XRN1: variants seen among roughly 807,000 people sequenced by gnomAD.
XRN1 encodes the protein 5'-3' exoribonuclease 1.
XRN1 carries 67 observed loss-of-function variants against 222.3 expected under a neutral mutation model. That is an observed-to-expected ratio of 0.30 (90% confidence interval 0.25 to 0.37). The LOEUF is 0.37. Ranked by LOEUF, XRN1 falls within the 10% of genes least tolerant of loss-of-function variation. XRN1 has a pLI of 1.00. For missense variants in XRN1, 1,707 were observed against 2,000.2 expected, an observed-to-expected ratio of 0.85 and a Z score of 2.80; for synonymous variants, 643 against 652.4, an observed-to-expected ratio of 0.99 and a Z score of 0.22.
chr3:142,385,938 A>G (rs1039033656), intron 20 of XRN1, among the ~76,000 whole-genome samples: 1 of 151,492 alleles, frequency 6.6e-6, no homozygotes, highest in African/African-American at 2.4e-5. Flanking sequence ...CAAATATGTC[A>G]TAAAAATAGT....
chr3:142,351,832 C>A (rs1000287366), intron 32 of XRN1, among the ~76,000 whole-genome samples: 1 of 151,646 alleles, frequency 6.6e-6, no homozygotes, highest in Non-Finnish European at 1.5e-5. Context: ...GGATACTCCA[C>A]CATCACCTCA....
At chr3:142,362,431 C>T (rs1041956802) in intron 29 of XRN1, among the ~76,000 whole-genome samples, 1 of 151,816 alleles carries the variant, frequency 6.6e-6, no homozygotes. Flanking sequence ...CTACTGCGCC[C>T]GTCTCTAATT....
At chr3:142,342,664 C>G (rs1450335835) in intron 33 of XRN1, among the ~76,000 whole-genome samples, 2 of 152,050 alleles carry the variant, frequency 1.3e-5, no homozygotes, top group African/African-American at 4.8e-5. Context: ...ACAAAGGCAC[C>G]AAGAACATAC....
intron 32 of XRN1, among the ~76,000 whole-genome samples, chr3:142,352,033 A>G (rs1487782839): frequency 1.3e-5 from 2 of 152,150 alleles, no homozygotes; most frequent in Non-Finnish European, 2.9e-5. Flanking sequence ...GCTTTCTAAC[A>G]TTATTTTTAC....
intron 6 of XRN1, 42 bp downstream of exon 6, chr3:142,423,518 G>A (rs754962213): frequency 6.8e-7 from 1 of 1,464,900 alleles, no homozygotes; most frequent in Non-Finnish European, 9.3e-7. Context: ...TTACTATCCA[G>A]GCGTAATTTC....
chr3:142,310,191 T>C lies in XRN1; in HGVS notation c.*1320A>G, dbSNP rs921789930. On this transcript the variant is annotated 3_prime_UTR_variant, in exon 41 of 41. Coordinates refer to ENST00000392981, the MANE Select transcript of XRN1 (RefSeq NM_001282857.2). ...ACAAGTAAGACTACTTTAAGAGTCA[T>C]GGCAGAGTTTCCAATGAGTTACATG... is the stretch of plus-strand genomic sequence containing the variant. 2 of 152,610 alleles carry C rather than the reference T, an allele frequency of 1.3e-5. No homozygotes were observed. The highest frequency in any genetic ancestry group is 4.8e-5 in the African/African-American group (2 of 41,448). The allele number at this position is 152,610 out of a possible 1,614,324, so 9.5% of individuals were successfully genotyped here. A position where few individuals can be genotyped will look rare whatever the true frequency, so the allele number is the denominator to read the frequency against.
intron 15 of XRN1, among the ~76,000 whole-genome samples, chr3:142,411,947 C>T (rs1400591623): frequency 6.6e-6 from 1 of 151,786 alleles, no homozygotes. Flanking sequence ...CTCAGCCTCT[C>T]GAGTAGCTGG....
intron 1 of XRN1, among the ~76,000 whole-genome samples, chr3:142,446,362 A>C (rs1344225521): frequency 6.6e-6 from 1 of 152,206 alleles, no homozygotes; most frequent in Non-Finnish European, 1.5e-5. Flanking sequence ...CAAATTTTAA[A>C]ATTTATTTAC....
In XRN1 at chr3:142,333,063, T is replaced by C. The variant is rs1254703576; in HGVS notation, c.3966A>G (p.Leu1322=). 1 of 1,612,952 alleles carries C rather than the reference T, an allele frequency of 6.2e-7. No individual in the cohort carries two copies. Among genetic ancestry groups the C allele is most frequent in the East Asian group, 2.2e-5 (1 of 44,762 alleles). ...KQPNSGIENF[L]ASLNISKENE... is the part of the protein sequence containing the mutation. ...TTTCTTTGGAGATATTCAAAGATGC[T>C]AAAAAGTTCTCAATTCCAGAGTTAG... Residue 1322 remains leucine (L), a synonymous_variant, in exon 35 of 41, where the codon TTA becomes TTG. Coordinates refer to ENST00000392981, the MANE Select transcript of XRN1 (RefSeq NM_001282857.2).
chr3:142,308,676 C>G lies in XRN1; in HGVS notation c.*2835G>C, dbSNP rs1469559066. ...GAACGAGACTGGAAGGAGCAATCTTCAAAATTCACTTAAGTTGCTCAAAAA... is the reference window on the plus strand; with the variant it reads ...GAACGAGACTGGAAGGAGCAATCTTGAAAATTCACTTAAGTTGCTCAAAAA... On this transcript the variant is annotated 3_prime_UTR_variant, in exon 41 of 41. Coordinates refer to ENST00000392981, the MANE Select transcript of XRN1 (RefSeq NM_001282857.2). 1.3e-5 allele frequency: 2 copies of G among 152,092 alleles called. No individual in the cohort carries two copies. Among genetic ancestry groups the G allele is most frequent in the African/African-American group, 4.8e-5 (2 of 41,418 alleles). The allele number at this position is 152,092 out of a possible 1,614,324, so 9.4% of individuals were successfully genotyped here.
At chr3:142,327,012 A>C (rs1052759800) in intron 37 of XRN1, among the ~76,000 whole-genome samples, 2 of 152,164 alleles carry the variant, frequency 1.3e-5, no homozygotes, top group African/African-American at 4.8e-5. Flanking sequence ...TTTGAATTCA[A>C]TTCACTAGTA....
At chr3:142,312,303 T>C (rs978135901) in intron 40 of XRN1, among the ~76,000 whole-genome samples, 4 of 152,188 alleles carry the variant, frequency 2.6e-5, no homozygotes, top group Non-Finnish European at 5.9e-5. Flanking sequence ...ATAATAATAA[T>C]AATAAAAATA....
At chr3:142,369,856 G>A (rs1392688928) in intron 27 of XRN1, among the ~76,000 whole-genome samples, 1 of 151,752 alleles carries the variant, frequency 6.6e-6, no homozygotes, top group Non-Finnish European at 1.5e-5. Flanking sequence ...GACCAGCCTG[G>A]CCAACATGGC....
rs1348686011 is a variant in XRN1 at position 142,332,455 on chromosome 3, A to G, written c.4142T>C (p.Ile1381Thr). 1.3e-5 allele frequency: 21 copies of G among 1,613,190 alleles called. No individual in the cohort carries two copies. The highest frequency in any genetic ancestry group is 1.7e-5 in the Non-Finnish European group (20 of 1,179,482). ...TVDHKNEIKQIANEIPVSSNR... is the reference protein window; with the variant it reads ...TVDHKNEIKQTANEIPVSSNR... ...AGAGGAAACAGGGATTTCATTAGCA[A>G]TCTGTTTGATTTCATTCTTATGGTC... Residue 1381 changes from isoleucine to threonine, a missense_variant, in exon 36 of 41, where the codon ATT becomes ACT. Ile to Thr is a moderately conservative substitution (Grantham distance 89, BLOSUM62 -1). Around this residue, in one of 2 missense-constraint regions of XRN1, gnomAD observed 473 missense variants for 482.0 expected, o/e 0.98. Transcript: ENST00000392981.
At chr3:142,404,172 A>G (rs1053129039) in intron 16 of XRN1, among the ~76,000 whole-genome samples, 183 bp from the exon 17 acceptor site, 8 of 152,144 alleles carry the variant, frequency 5.3e-5, no homozygotes, top group Admixed American at 5.2e-4. Context: ...TGGTCTAGAC[A>G]CAATCATGCC....
rs751425064 is a variant in XRN1 at position 142,405,030 on chromosome 3, T to G, written c.1760A>C (p.Lys587Thr). Reference protein sequence around the residue: ...AMETCNHSLKKEERKRNQHSE... With the variant: ...AMETCNHSLKTEERKRNQHSE... ...ATGTTGGTTTCTTTTCCTCTCTTCC[T>G]TTTTGAGGGAGTGGTTACATGTCTC... Residue 587 changes from lysine (K) to threonine (T), a missense_variant, in exon 16 of 41, where the codon AAG becomes ACG. Physicochemically the swap from Lys to Thr is moderately conservative, Grantham distance 78 (BLOSUM62 -1). Coordinates refer to ENST00000392981, the MANE Select transcript of XRN1 (RefSeq NM_001282857.2). The G allele has an allele frequency of 1.2e-6, 2 of 1,613,936 alleles. No individual in the cohort carries two copies. The highest frequency in any genetic ancestry group is 1.7e-6 in the Non-Finnish European group (2 of 1,179,826).
Position 142,308,096 on chromosome 3 carries a change from CTCATA to C in XRN1, c.*3410_*3414del, listed in dbSNP as rs1482729611. 1 of 152,010 alleles carries C rather than the reference CTCATA, an allele frequency of 6.6e-6. No homozygotes were observed. Among genetic ancestry groups the C allele is most frequent in the African/African-American group, 2.4e-5 (1 of 41,376 alleles). 9.4% of individuals were successfully genotyped at this position (152,010 alleles called of 1,614,324 possible). On this transcript the variant is annotated 3_prime_UTR_variant, in exon 41 of 41. Coordinates refer to ENST00000392981, the MANE Select transcript of XRN1 (RefSeq NM_001282857.2). ...TGAGTGAAGATCTGCACAGCTCTAT[CTCATA>C]TAATAAAAGTAAAAATTAGACAACC...
Position 142,383,227 on chromosome 3 carries a change from C to A in XRN1, c.2616+73G>T. ...CTTCATTATTATATTTTAATTTAAA[C>A]CTAAATGAAGAGAAGTTAAGTAACT... is the stretch of plus-strand genomic sequence containing the variant. On this transcript the variant is annotated intron_variant, in intron 22 of 40. Coordinates refer to ENST00000392981, the MANE Select transcript of XRN1 (RefSeq NM_001282857.2). 4 of 1,153,966 alleles carry A rather than the reference C, an allele frequency of 3.5e-6. No individual in the cohort carries two copies. In the South Asian group the frequency reaches 4.1e-5, roughly 12 times the overall value. 71.5% of individuals were successfully genotyped at this position (1,153,966 alleles called of 1,614,324 possible). A position where few individuals can be genotyped will look rare whatever the true frequency, so the allele number is the denominator to read the frequency against.
intron 6 of XRN1, among the ~76,000 whole-genome samples, chr3:142,423,256 A>G (rs753898981): frequency 1.3e-5 from 2 of 152,202 alleles, no homozygotes; most frequent in Admixed American, 6.5e-5. Flanking sequence ...TAATGCAAGG[A>G]AGATTGGATA....
Sources: allele counts gnomAD v4.1 joint callset (sites outside exome capture counted in the v4.1 genomes callset), GRCh38; gene constraint gnomAD v4.1.1; regional missense constraint gnomAD v4.1.1; transcripts MANE v1.5; gene names NCBI Gene and HGNC (gene_info 2026-07-23, HGNC 2026-07-21).